Variants in MAOA observed in about 807,000 individuals in gnomAD.
MAOA encodes monoamine oxidase A.
A neutral mutation model predicts 42.0 loss-of-function variants in MAOA; 6 were observed. That is an observed-to-expected ratio of 0.14 (90% confidence interval 0.08 to 0.28). The LOEUF (loss-of-function observed/expected upper bound fraction) is 0.28. Among genes scored for constraint, MAOA ranks in the 10% least tolerant of loss-of-function variants. The pLI, the probability that MAOA is intolerant of heterozygous loss-of-function variation, is 1.00. For synonymous variants in MAOA, 140 were observed against 154.0 expected, an observed-to-expected ratio of 0.91 and a Z score of 0.67; for missense variants, 262 against 422.3, an observed-to-expected ratio of 0.62 and a Z score of 3.33.
chrX:43,719,215 C>T lies in MAOA; in HGVS notation c.503+6419C>T, dbSNP rs766482366. On this transcript the variant is annotated intron_variant, in intron 5 of 14. Transcript: ENST00000338702. ...AAGGCTAGATGTGGTTATATCATCT[C>T]GAAATGACCCAGAGGGGTAGAGGGA... Among the ~76,000 whole-genome samples the T allele has an allele frequency of 2.7e-5, 3 of 110,446 alleles. No homozygotes were observed. In the South Asian group the frequency reaches 1.2e-3, roughly 43 times the overall value.
chrX:43,699,660 T>G (rs1485064952), intron 3 of MAOA, among the ~76,000 whole-genome samples: 3 of 111,386 alleles, frequency 2.7e-5, no homozygotes, highest in Non-Finnish European at 5.6e-5. Context: ...TTTTTTTTCT[T>G]TTTGTATTGG....
intron 13 of MAOA, 39 bp downstream of exon 13, chrX:43,743,944 C>A (rs1205158861): frequency 8.6e-7 from 1 of 1,169,296 alleles, no homozygotes; most frequent in African/African-American, 1.8e-5. Flanking sequence ...TCCCGAGTCA[C>A]GGCAACGTTT....
chrX:43,697,411 A>G (rs1429658526), intron 3 of MAOA, among the ~76,000 whole-genome samples: 1 of 112,035 alleles, frequency 8.9e-6, no homozygotes, highest in Non-Finnish European at 1.9e-5. Flanking sequence ...ACCTGCTATG[A>G]TACAAGCACT....
chrX:43,737,415 T>G (rs1249800852), intron 10 of MAOA, among the ~76,000 whole-genome samples: 3 of 111,835 alleles, frequency 2.7e-5, no homozygotes, highest in African/African-American at 9.8e-5. Context: ...GAATAGAAAT[T>G]TATTTCTCAC....
chrX:43,743,621 A>G, intron 12 of MAOA, 173 bp from the exon 13 acceptor site: 2 of 514,224 alleles, frequency 3.9e-6, no homozygotes, highest in African/African-American at 2.3e-5. Flanking sequence ...CAGATCCTCT[A>G]TGCAGATCCA....
chrX:43,658,646 C>G (rs751818833), intron 1 of MAOA, among the ~76,000 whole-genome samples: 8 of 111,613 alleles, frequency 7.2e-5, no homozygotes, highest in Non-Finnish European at 1.3e-4. Flanking sequence ...CACCTCTATT[C>G]CAGAGGCCAG....
intron 1 of MAOA, among the ~76,000 whole-genome samples, chrX:43,662,494 G>A (rs960285380): frequency 9.0e-6 from 1 of 111,104 alleles, no homozygotes; most frequent in Non-Finnish European, 1.9e-5. Flanking sequence ...TGTGAAAAAT[G>A]TATTTAACAA....
At chrX:43,681,880 A>ATAT (rs1337382916) in intron 1 of MAOA, among the ~76,000 whole-genome samples, 32 of 87,561 alleles carry the variant, frequency 3.7e-4, no homozygotes, top group Admixed American at 9.8e-4. Flanking sequence ...ATATATATAT[A>ATAT]TTTTTTTTTT....
intron 5 of MAOA, among the ~76,000 whole-genome samples, chrX:43,725,505 T>C (rs759167911): frequency 1.2e-4 from 13 of 111,568 alleles, no homozygotes; most frequent in African/African-American, 4.2e-4. Flanking sequence ...GCTTTTTTTT[T>C]TTGCTTTCCA....
intron 3 of MAOA, among the ~76,000 whole-genome samples, chrX:43,708,182 G>T (rs1462908723): frequency 1.8e-5 from 2 of 111,020 alleles, no homozygotes; most frequent in African/African-American, 3.3e-5. Flanking sequence ...GAGATTAAAG[G>T]CCACTTTGGA....
intron 5 of MAOA, among the ~76,000 whole-genome samples, chrX:43,713,045 A>G (rs998878788): frequency 7.1e-5 from 8 of 112,515 alleles, no homozygotes; most frequent in Non-Finnish European, 1.1e-4. Flanking sequence ...ATCTGCAATA[A>G]AATCAATAAT....
chrX:43,726,260 A>G (rs2033833944), intron 5 of MAOA, among the ~76,000 whole-genome samples: 1 of 112,046 alleles, frequency 8.9e-6, no homozygotes, highest in African/African-American at 3.3e-5. Flanking sequence ...AATATTCTGA[A>G]GAGTGTTTTC....
chrX:43,697,080 C>G (rs778121825), intron 3 of MAOA, among the ~76,000 whole-genome samples: 126 of 112,413 alleles, frequency 1.1e-3, no homozygotes, highest in Non-Finnish European at 2.1e-3. Flanking sequence ...TTACTTAACC[C>G]TCACATGGAT....
chrX:43,666,724 A>G (rs1214401488), intron 1 of MAOA, among the ~76,000 whole-genome samples: 1 of 110,854 alleles, frequency 9.0e-6, no homozygotes, highest in Non-Finnish European at 1.9e-5. Context: ...ACCAAAACCT[A>G]GAGTTTTGAT....
rs1341562419 is a variant in MAOA, at chrX:43,721,480, A to G, written c.504-6693A>G. On this transcript the variant is annotated intron_variant, in intron 5 of 14. Transcript: ENST00000338702. Reference sequence around the variant, plus strand: ...AGGGTTTTTTGAGTTTGGCACTTTTAAAAGCCCTCATTGGCTATAGTGTGG... The same window carrying G: ...AGGGTTTTTTGAGTTTGGCACTTTTGAAAGCCCTCATTGGCTATAGTGTGG... Among the ~76,000 whole-genome samples, 11 of 110,853 alleles carry G rather than the reference A, an allele frequency of 9.9e-5. No individual in the cohort carries two copies. The Admixed American group carries it at 1.1e-3, about 11-fold the overall frequency.
intron 1 of MAOA, among the ~76,000 whole-genome samples, chrX:43,671,077 A>G (rs1253327427): frequency 2.0e-5 from 2 of 99,028 alleles, no homozygotes; most frequent in Non-Finnish European, 4.1e-5. Context: ...AAGTGTTCCT[A>G]TTTCTCCACA....
chrX:43,710,918 T>A (rs770982181), intron 3 of MAOA, among the ~76,000 whole-genome samples: 1 of 112,242 alleles, frequency 8.9e-6, no homozygotes, highest in East Asian at 2.8e-4. Flanking sequence ...CACTTGAGGA[T>A]GAGCAAAGAG....
At chrX:43,742,931 C>T (rs922577963) in intron 12 of MAOA, among the ~76,000 whole-genome samples, 7 of 109,854 alleles carry the variant, frequency 6.4e-5, no homozygotes, top group Admixed American at 9.7e-5. Context: ...TGAGTCAGAT[C>T]GCCTTTGTTA....
At chrX:43,663,698 GA>G (rs765146903) in intron 1 of MAOA, among the ~76,000 whole-genome samples, 1 of 112,228 alleles carries the variant, frequency 8.9e-6, no homozygotes, top group South Asian at 3.7e-4. Context: ...AAAGCATAGT[GA>G]CTACTGCTTA....
Sources: gnomAD v4.1 joint callset for allele counts (sites outside exome capture counted in the v4.1 genomes callset) on GRCh38, gnomAD v4.1.1 for gene constraint, MANE v1.5 for transcripts, NCBI Gene and HGNC (gene_info 2026-07-23, HGNC 2026-07-21) for gene names.